The following LITAF variants were observed in gnomAD, a reference collection of about 807,000 sequenced individuals.
LITAF encodes lipopolysaccharide-induced tumor necrosis factor-alpha factor.
A neutral mutation model predicts 14.5 loss-of-function variants in LITAF; 9 were observed. That is an observed-to-expected ratio of 0.62 (90% CI 0.37 to 1.08). The LOEUF (loss-of-function observed/expected upper bound fraction) is 1.08, where lower values mean the gene tolerates loss of function less well. LITAF is among the 50% of genes least tolerant of loss of function. LITAF has a pLI of 0.01. For missense variants in LITAF, 206 were observed against 213.4 expected (o/e 0.97, Z 0.22); for synonymous variants, 98 against 88.2 (o/e 1.11, Z -0.62).
intron 1 of LITAF, among the ~76,000 whole-genome samples, chr16:11,574,412 T>G (rs970637516): frequency 6.6e-5 from 10 of 152,318 alleles, no homozygotes; most frequent in African/African-American, 2.2e-4. Flanking sequence ...GGTCGGTGTT[T>G]GTCGGGAAGG....
chr16:11,607,308 ACAGTGCTGTCTCCTC>A (rs1244549571), intron 3 of LITAF, among the ~76,000 whole-genome samples: 1 of 152,252 alleles, frequency 6.6e-6, no homozygotes, highest in Non-Finnish European at 1.5e-5. Flanking sequence ...TGTGTCGAGA[ACAGTGCTGTCTCCTC>A]CAGCACATTG....
chr16:11,626,899 G>A (rs2065087314), intron 3 of LITAF, among the ~76,000 whole-genome samples: 1 of 151,902 alleles, frequency 6.6e-6, no homozygotes, highest in African/African-American at 2.4e-5. Flanking sequence ...ATGGAGTGCA[G>A]TGGCACGATC....
intron 3 of LITAF, among the ~76,000 whole-genome samples, chr16:11,609,842 C>T (rs780947180): frequency 7.9e-5 from 12 of 152,190 alleles, no homozygotes; most frequent in African/African-American, 1.4e-4. Flanking sequence ...GAAATCCAAA[C>T]GGAAAAGACC....
chr16:11,547,829 C>T lies in LITAF; in HGVS notation c.*1808G>A. The T allele has an allele frequency of 6.6e-6, 3 of 454,104 alleles. No individual in the cohort carries two copies. The highest frequency in any genetic ancestry group is 1.3e-5 in the Non-Finnish European group (3 of 226,794). 28.1% of individuals were successfully genotyped at this position (454,104 alleles called of 1,614,324 possible). Reference sequence around the variant, plus strand: ...GTTCAAATCTGACTCGTTAGCAAATCCACCCAACTCAACATCGGTCATCTT... The same window carrying T: ...GTTCAAATCTGACTCGTTAGCAAATTCACCCAACTCAACATCGGTCATCTT... On this transcript the variant is annotated 3_prime_UTR_variant, in exon 4 of 4. Coordinates refer to ENST00000622633, the MANE Select transcript of LITAF (RefSeq NM_001136472.2).
In LITAF at chr16:11,559,575, A is replaced by G. The variant is rs530382038; in HGVS notation, c.-5-2840T>C. ...CCCTGGGTTTCAAAACTTAGTAGGA[A>G]AAAATGAATGTAAAATATCTCATTA... is the stretch of plus-strand genomic sequence containing the variant. On this transcript the variant is annotated intron_variant, in intron 1 of 3. Transcript: ENST00000622633. Among the ~76,000 whole-genome samples, 41 of 152,248 alleles carry G rather than the reference A, an allele frequency of 2.7e-4. 1 individual carries two copies. The South Asian group carries it at 8.3e-3, about 31-fold the overall frequency.
Position 11,556,723 on chromosome 16 carries a change from A to G in LITAF, c.8T>C (p.Val3Ala). Reference sequence around the variant, plus strand: ...AGTGGCCGCCTGGTAAGGTCCTGGAACCGACATTTTACCTAAAACAGAAAC... The same window carrying G: ...AGTGGCCGCCTGGTAAGGTCCTGGAGCCGACATTTTACCTAAAACAGAAAC... MS[V>A]PGPYQAATGP... The change falls in exon 2 of 4, where the codon GTT becomes GCT. Residue 3 changes from valine (V) to alanine (A), a missense_variant. By Grantham distance (64) the Val-to-Ala change is moderately conservative. Coordinates refer to ENST00000622633, the MANE Select transcript of LITAF (RefSeq NM_001136472.2). 6.2e-7 allele frequency: 1 copy of G among 1,614,122 alleles called. No individual in the cohort carries two copies. Among genetic ancestry groups the G allele is most frequent in the Non-Finnish European group, 8.5e-7 (1 of 1,179,968 alleles).
intron 3 of LITAF, among the ~76,000 whole-genome samples, chr16:11,620,046 T>G (rs925571832): frequency 6.6e-6 from 1 of 151,180 alleles, no homozygotes. Context: ...CGGGTGCCTG[T>G]AATCCCAGCT....
intron 1 of LITAF, among the ~76,000 whole-genome samples, chr16:11,597,842 G>T (rs1325044970): frequency 1.3e-5 from 2 of 152,162 alleles, no homozygotes; most frequent in Non-Finnish European, 2.9e-5. Flanking sequence ...GCCCAGAAAG[G>T]GGTTGAGGAG....
intron 1 of LITAF, among the ~76,000 whole-genome samples, chr16:11,592,404 C>T (rs2064852617): frequency 6.6e-6 from 1 of 151,884 alleles, no homozygotes; most frequent in African/African-American, 2.4e-5. Flanking sequence ...GGTGAAACCC[C>T]ATCTCTACTA....
At chr16:11,613,121 C>T (rs543325455) in intron 3 of LITAF, among the ~76,000 whole-genome samples, 3 of 152,138 alleles carry the variant, frequency 2.0e-5, no homozygotes, top group Non-Finnish European at 1.5e-5. Context: ...CTCACTGTAA[C>T]CTCCATCTCC....
rs199562891 is a variant in LITAF, at chr16:11,555,690, CTATT to C, written c.220+817_220+820del. Among the ~76,000 whole-genome samples the C allele has an allele frequency of 6.6e-3, 994 of 151,544 alleles. 5 individuals carry two copies. The highest frequency in any genetic ancestry group is 0.023 in the African/African-American group (958 of 41,320). On this transcript the variant is annotated intron_variant, in intron 2 of 3. Coordinates refer to ENST00000622633, the MANE Select transcript of LITAF (RefSeq NM_001136472.2). ...AAAAAAAAAGAAAAAGAAAAAGAAACTATTTATTGATCACAGGATGGTCTAAGAA... is the reference window on the plus strand; with the variant it reads ...AAAAAAAAAGAAAAAGAAAAAGAAACTATTGATCACAGGATGGTCTAAGAA...
At chr16:11,616,159 G>C (rs2065018747) in intron 3 of LITAF, among the ~76,000 whole-genome samples, 1 of 152,096 alleles carries the variant, frequency 6.6e-6, no homozygotes, top group Non-Finnish European at 1.5e-5. Context: ...TGTGCATCTG[G>C]CTGTTTGTAT....
chr16:11,550,958 C>T (rs9921352), intron 3 of LITAF, among the ~76,000 whole-genome samples: 21,613 of 152,112 alleles, frequency 0.14, 1,963 homozygotes, highest in African/African-American at 0.25. Context: ...TTTTGCCAAC[C>T]CCCGTCTTAC....
chr16:11,618,245 C>G (rs1185553689), intron 3 of LITAF, among the ~76,000 whole-genome samples: 1 of 152,194 alleles, frequency 6.6e-6, no homozygotes, highest in African/African-American at 2.4e-5. Flanking sequence ...ACTTTTCCCC[C>G]TTGGAAGAGA....
At chr16:11,576,563 A>G in intron 1 of LITAF, among the ~76,000 whole-genome samples, 1 of 140,884 alleles carries the variant, frequency 7.1e-6, no homozygotes, top group Admixed American at 7.0e-5. Flanking sequence ...AAAGAGAGAG[A>G]GAAAGAGAAA....
At chr16:11,626,622 G>A (rs1246410410) in intron 3 of LITAF, among the ~76,000 whole-genome samples, 1 of 152,150 alleles carries the variant, frequency 6.6e-6, no homozygotes, top group Non-Finnish European at 1.5e-5. Flanking sequence ...ACAGGCGTGA[G>A]CCACCGCGCC....
chr16:11,575,911 C>T (rs570984771), intron 1 of LITAF, among the ~76,000 whole-genome samples: 2 of 152,118 alleles, frequency 1.3e-5, no homozygotes, highest in Non-Finnish European at 2.9e-5. Context: ...ATCGGGGTCT[C>T]GCTGTGTTGC....
chr16:11,616,665 T>C (rs1365879824), intron 3 of LITAF, among the ~76,000 whole-genome samples: 1 of 152,042 alleles, frequency 6.6e-6, no homozygotes, highest in Non-Finnish European at 1.5e-5. Context: ...CTCTGGCCTT[T>C]GAACACAAAT....
At chr16:11,576,579 A>G (rs2064640063) in intron 1 of LITAF, among the ~76,000 whole-genome samples, 1 of 150,636 alleles carries the variant, frequency 6.6e-6, no homozygotes, top group South Asian at 2.1e-4. Flanking sequence ...AGAAAAAGAG[A>G]AAGGAAAGGA....
Sources: allele counts gnomAD v4.1 joint callset (sites outside exome capture counted in the v4.1 genomes callset), GRCh38; gene constraint gnomAD v4.1.1; transcripts MANE v1.5; gene names NCBI Gene and HGNC (gene_info 2026-07-23, HGNC 2026-07-21).